The following CLCN7 variants were observed in gnomAD, a reference collection of about 807,000 sequenced individuals.
CLCN7 encodes the protein H(+)/Cl(-) exchange transporter 7.
A neutral mutation model predicts 102.1 loss-of-function variants in CLCN7; 60 were observed. That is an observed-to-expected ratio of 0.59 (90% CI 0.48 to 0.73). The LOEUF is 0.73. Ranked by LOEUF, CLCN7 falls within the 30% of genes least tolerant of loss-of-function variation. CLCN7 has a pLI of 0.00. For missense variants in CLCN7, 962 were observed against 1,125.7 expected, an observed-to-expected ratio of 0.85 and a Z score of 2.08; for synonymous variants, 560 against 490.5, an observed-to-expected ratio of 1.14 and a Z score of -1.87.
In CLCN7 at chr16:1,446,230, C is replaced by A. The variant is rs1217431714; in HGVS notation, c.*401G>T. 2.2e-5 allele frequency: 14 copies of A among 648,356 alleles called. No homozygotes were observed. The highest frequency in any genetic ancestry group is 3.6e-5 in the Non-Finnish European group (13 of 361,180). The allele number at this position is 648,356 out of a possible 1,614,324, so 40.2% of individuals were successfully genotyped here. A position where few individuals can be genotyped will look rare whatever the true frequency, so the allele number is the denominator to read the frequency against. On this transcript the variant is annotated 3_prime_UTR_variant, in exon 25 of 25. Coordinates refer to ENST00000382745, the MANE Select transcript of CLCN7 (RefSeq NM_001287.6). ...TGGAGGCAGAGGGGCCCTTCCAGGG[C>A]AGGGCAGCCCTCGGGGCAGCAGCAG...
rs746128123 is a variant in CLCN7, at chr16:1,457,299, G to A, written c.777C>T (p.Ala259=). The A allele has an allele frequency of 6.7e-5, 108 of 1,613,890 alleles. No individual in the cohort carries two copies. Among genetic ancestry groups the A allele is most frequent in the Non-Finnish European group, 8.4e-5 (99 of 1,180,042 alleles). The change falls in exon 9 of 25, where the codon GCC becomes GCT. Residue 259 remains alanine, a synonymous_variant. Coordinates refer to ENST00000382745, the MANE Select transcript of CLCN7 (RefSeq NM_001287.6). This position sits in a 1 kb window ranked among gnomAD's most constrained non-coding sequence, Gnocchi z 5.4. ...PMIHSGSVIA[A]GISQGRSTSL... ...ACGTTGACCTTCCCTGAGAGATCCC[G>A]GCGGCAATCACTGAACCTGAGTGGA...
chr16:1,453,952 C>T (rs563934824), intron 13 of CLCN7, 58 bp from the exon 14 acceptor site: 93 of 1,567,480 alleles, frequency 5.9e-5, no homozygotes, highest in Admixed American at 3.8e-4. Context: ...GGCCTCCGCC[C>T]GCCGGCTCCC....
intron 1 of CLCN7, among the ~76,000 whole-genome samples, chr16:1,472,933 A>G (rs1343385806): frequency 6.7e-6 from 1 of 148,654 alleles, no homozygotes; most frequent in Admixed American, 6.8e-5. Flanking sequence ...CACCTGGCTA[A>G]TTTTGTTTTT....
intron 6 of CLCN7, 138 bp downstream of exon 6, chr16:1,460,280 A>C: frequency 1.4e-6 from 1 of 698,722 alleles, no homozygotes; most frequent in South Asian, 1.5e-5. Context: ...GTGAGTCTGG[A>C]CCACGTGATT....
At position 1,472,133 on chromosome 16, in the gene CLCN7, G is replaced by C. The variant is rs764759957; in HGVS notation, c.141+2701C>G. ...CGCCTGCGTCCCAGGCAGCCACAGA[G>C]CAAGTGCACGATAAACTATTTTTTA... On this transcript the variant is annotated intron_variant, in intron 1 of 24. Transcript: ENST00000382745. Among the ~76,000 whole-genome samples, 2 of 152,258 alleles carry C rather than the reference G, an allele frequency of 1.3e-5. 1 individual carries two copies. The highest frequency in any genetic ancestry group is 2.9e-5 in the Non-Finnish European group (2 of 68,052).
intron 16 of CLCN7, 50 bp from the exon 17 acceptor site, chr16:1,450,716 GGA>G: frequency 8.0e-7 from 1 of 1,242,756 alleles, no homozygotes; most frequent in Non-Finnish European, 1.1e-6. Context: ...CGCCTCCGCA[GGA>G]CTGCCCTGCC....
Position 1,446,734 on chromosome 16 carries a change from G to C in CLCN7, c.2332-17C>G, listed in dbSNP as rs778927832. ...CCCGACAACCTGCAGGACAAGTCCA[G>C]GCCACAGTGACACACGGGTCGGCTC... is the stretch of plus-strand genomic sequence containing the variant. On this transcript the variant is annotated splice_polypyrimidine_tract_variant and intron_variant, in intron 24 of 24. Transcript: ENST00000382745. 1.9e-6 allele frequency: 3 copies of C among 1,565,930 alleles called. No homozygotes were observed. The highest frequency in any genetic ancestry group is 2.6e-6 in the Non-Finnish European group (3 of 1,154,016).
chr16:1,474,680 C>A (rs894689049), intron 1 of CLCN7, among the ~76,000 whole-genome samples, 154 bp downstream of exon 1: 2 of 151,986 alleles, frequency 1.3e-5, no homozygotes, highest in African/African-American at 4.8e-5. Flanking sequence ...CCAGCCCGGC[C>A]CCGCCGAGGA....
chr16:1,450,656 G>T lies in CLCN7; in HGVS notation c.1458C>A (p.Asn486Lys), dbSNP rs1489998598. 1.2e-6 allele frequency: 2 copies of T among 1,610,502 alleles called. No homozygotes were observed. The highest frequency in any genetic ancestry group is 1.1e-5 in the South Asian group (1 of 90,804). The change falls in exon 17 of 25, where the codon AAC (asparagine) becomes AAA (lysine). Residue 486 changes from asparagine (N) to lysine (K), a missense_variant. This residue lies in a region of CLCN7 where 799 missense variants were observed against 988.0 expected (regional missense o/e 0.81). Coordinates refer to ENST00000382745, the MANE Select transcript of CLCN7 (RefSeq NM_001287.6). ...GCGTGAACAGGCCGAGGGTCAGGGG[G>T]TTGTAGGAGCCTAGGAGAGAAGAGG... is the stretch of plus-strand genomic sequence containing the variant. ...SLFHDPPGSY[N>K]PLTLGLFTLV...
At position 1,452,799 on chromosome 16, in the gene CLCN7, C is replaced by T. The variant is rs1313723622; in HGVS notation, c.1309G>A (p.Asp437Asn). The T allele has an allele frequency of 6.2e-7, 1 of 1,605,946 alleles. No individual in the cohort carries two copies. Among genetic ancestry groups the T allele is most frequent in the Non-Finnish European group, 8.5e-7 (1 of 1,176,838 alleles). ...GAGCCCCCCTGCAGGGGCTGGCAAT[C>T]CCGCGACGAGTAGATCAGCACGAAG... is the stretch of plus-strand genomic sequence containing the variant. Reference protein sequence around the residue: ...VAFVLIYSSRDCQPLQGGSMS... With the variant: ...VAFVLIYSSRNCQPLQGGSMS... The change falls in exon 15 of 25, where the codon GAT becomes AAT. Residue 437 changes from aspartate (D) to asparagine (N), a missense_variant. This residue lies in a region of CLCN7 where 799 missense variants were observed against 988.0 expected (regional missense o/e 0.81). Transcript: ENST00000382745.
chr16:1,452,119 G>C (rs888521539), intron 15 of CLCN7: 5 of 318,180 alleles, frequency 1.6e-5, no homozygotes, highest in South Asian at 2.8e-5. Flanking sequence ...AGCAGCACAG[G>C]GGGTGTTATC....
chr16:1,449,920 C>T (rs926266591), intron 17 of CLCN7: 9 of 179,434 alleles, frequency 5.0e-5, no homozygotes, highest in Non-Finnish European at 1.1e-4. Flanking sequence ...GCAGAGCACA[C>T]GGGCCTGGGG....
At chr16:1,470,469 G>T (rs553179664) in intron 1 of CLCN7, among the ~76,000 whole-genome samples, 4 of 152,308 alleles carry the variant, frequency 2.6e-5, no homozygotes, top group South Asian at 2.1e-4. Context: ...GCTGCCCCGC[G>T]GGGGGATGGG....
At position 1,447,467 on chromosome 16, in the gene CLCN7, G is replaced by T; in HGVS notation, c.2175C>A (p.His725Gln). The T allele has an allele frequency of 6.4e-7, 1 of 1,553,098 alleles. No homozygotes were observed. The highest frequency in any genetic ancestry group is 8.7e-7 in the Non-Finnish European group (1 of 1,148,426). The change falls in exon 23 of 25, where the codon CAC becomes CAA. Residue 725 changes from histidine (H) to glutamine (Q), a missense_variant. Physicochemically the swap from His to Gln is conservative, Grantham distance 24. This residue lies in a region of CLCN7 where 799 missense variants were observed against 988.0 expected (regional missense o/e 0.81). Coordinates refer to ENST00000382745, the MANE Select transcript of CLCN7 (RefSeq NM_001287.6). Reference protein sequence around the residue: ...YPRFPPIQSIHVSQDERECTM... With the variant: ...YPRFPPIQSIQVSQDERECTM... The stretch of plus-strand genomic sequence containing the variant: ...TGCACTCCCGCTCGTCCTGGGACAC[G>T]TGGATGGACTGGATGGGTGGGAAGC...
At chr16:1,460,238 G>A (rs1028371079) in intron 6 of CLCN7, among the ~76,000 whole-genome samples, 180 bp downstream of exon 6, 37 of 151,830 alleles carry the variant, frequency 2.4e-4, no homozygotes, top group Admixed American at 1.9e-3. Flanking sequence ...TGGGGGTGAA[G>A]AGGCCCTGGT....
rs779165998 is a variant in CLCN7, at chr16:1,450,392, G to C, written c.1617+105C>G. On this transcript the variant is annotated intron_variant, in intron 17 of 24. Transcript: ENST00000382745. ...CGCCCACGGCCCGTGAACCACGTGA[G>C]GTGCGACACTTTTGTCCTGCCCTGG... The C allele has an allele frequency of 8.4e-6, 10 of 1,192,844 alleles. 1 individual carries two copies. In the South Asian group the frequency reaches 9.1e-5, roughly 11 times the overall value. 73.9% of individuals were successfully genotyped at this position (1,192,844 alleles called of 1,614,324 possible). A position where few individuals can be genotyped will look rare whatever the true frequency, so the allele number is the denominator to read the frequency against.
At chr16:1,473,205 T>C (rs933671624) in intron 1 of CLCN7, among the ~76,000 whole-genome samples, 3 of 151,990 alleles carry the variant, frequency 2.0e-5, no homozygotes, top group Non-Finnish European at 4.4e-5. Flanking sequence ...TCATGCAGAC[T>C]ACAGCACGGA....
Position 1,448,531 on chromosome 16 carries a change from C to T in CLCN7, c.1884-47G>A, listed in dbSNP as rs750255585. ...ACATGCCCGTCACACGCCACCAACTCCCACAGTTACCTCTGCGGGCTGGTG... is the reference window on the plus strand; with the variant it reads ...ACATGCCCGTCACACGCCACCAACTTCCACAGTTACCTCTGCGGGCTGGTG... On this transcript the variant is annotated intron_variant, in intron 20 of 24. Coordinates refer to ENST00000382745, the MANE Select transcript of CLCN7 (RefSeq NM_001287.6). The T allele has an allele frequency of 5.0e-6, 8 of 1,603,834 alleles. No homozygotes were observed. In the East Asian group the frequency reaches 6.7e-5, roughly 13 times the overall value.
At chr16:1,462,665 C>CAAAAAAAAAAAAAAAAAAAAAAA (rs67969666) in intron 2 of CLCN7, among the ~76,000 whole-genome samples, 1 of 36,176 alleles carries the variant, frequency 2.8e-5, no homozygotes, top group African/African-American at 7.9e-5. Context: ...AAAAAAAAGC[C>CAAAAAAAAAAAAAAAAAAAAAAA]AAAAAAAAAA....
Sources: gnomAD v4.1 joint callset for allele counts (sites outside exome capture counted in the v4.1 genomes callset) on GRCh38, gnomAD v4.1.1 for gene constraint, gnomAD v4.1.1 regional missense constraint, Gnocchi (gnomAD v3.1) non-coding constraint, MANE v1.5 for transcripts, NCBI Gene and HGNC (gene_info 2026-07-23, HGNC 2026-07-21) for gene names.